The following AGBL1 variants were observed in gnomAD, a reference collection of about 807,000 sequenced individuals.
AGBL1 encodes AGBL carboxypeptidase 1.
AGBL1 carries 130 observed loss-of-function variants against 118.9 expected under a neutral mutation model. The observed-to-expected ratio is 1.09, with a 90% CI of 0.95 to 1.26. The LOEUF is 1.26. Ranked by LOEUF, AGBL1 falls within the 50% of genes most tolerant of loss-of-function variation. The pLI, the probability that AGBL1 is intolerant of heterozygous loss-of-function variation, is 0.00. For missense variants in AGBL1, 1,584 were observed against 1,298.1 expected (o/e 1.22, Z -3.38); for synonymous variants, 555 against 478.9 (o/e 1.16, Z -2.08).
intron 22 of AGBL1, among the ~76,000 whole-genome samples, chr15:86,900,225 T>C (rs2080191903): frequency 6.6e-6 from 1 of 152,186 alleles, no homozygotes; most frequent in African/African-American, 2.4e-5. Context: ...TGGCCTATTG[T>C]GGGACTTCAC....
chr15:86,817,606 G>C (rs1007113509), intron 22 of AGBL1, among the ~76,000 whole-genome samples: 1 of 147,992 alleles, frequency 6.8e-6, no homozygotes, highest in Non-Finnish European at 1.5e-5. Context: ...AGGAGAGAGA[G>C]AGAGAAAAAG....
intron 22 of AGBL1, among the ~76,000 whole-genome samples, chr15:86,829,037 G>T (rs2079070080): frequency 6.6e-6 from 1 of 150,810 alleles, no homozygotes; most frequent in Non-Finnish European, 1.5e-5. Context: ...ATGTTGACTG[G>T]ACCTAGTGAG....
chr15:86,515,450 G>C (rs1429892175), intron 18 of AGBL1, among the ~76,000 whole-genome samples: 1 of 151,572 alleles, frequency 6.6e-6, no homozygotes, highest in Non-Finnish European at 1.5e-5. Flanking sequence ...ATCAGGAGTG[G>C]GTGTGGAATT....
chr15:86,916,362 G>T (rs2080422712), downstream of AGBL1, among the ~76,000 whole-genome samples: 1 of 152,064 alleles, frequency 6.6e-6, no homozygotes, highest in Admixed American at 6.6e-5. Context: ...AAAAATAACA[G>T]AGAATAACCT....
At chr15:86,441,566 G>A (rs908333796) in intron 18 of AGBL1, among the ~76,000 whole-genome samples, 2 of 152,168 alleles carry the variant, frequency 1.3e-5, no homozygotes, top group African/African-American at 4.8e-5. Flanking sequence ...CCAGGTATCC[G>A]TAAAGGCAGA....
intron 17 of AGBL1, among the ~76,000 whole-genome samples, chr15:86,395,694 A>C (rs2141987794): frequency 8.0e-6 from 1 of 125,412 alleles, no homozygotes; most frequent in Admixed American, 7.9e-5. Context: ...TAGTCAGTAA[A>C]AATGCACTGA....
chr15:86,205,196 A>G (rs1374273635), intron 5 of AGBL1, among the ~76,000 whole-genome samples: 1 of 152,200 alleles, frequency 6.6e-6, no homozygotes. Flanking sequence ...TTTAGTTGGA[A>G]TCACACATAC....
chr15:86,687,503 C>T (rs915929236), intron 22 of AGBL1, among the ~76,000 whole-genome samples: 2 of 152,058 alleles, frequency 1.3e-5, no homozygotes, highest in African/African-American at 4.8e-5. Flanking sequence ...TAACCTGAAA[C>T]CTTGGAGAAT....
At chr15:86,985,284 A>G (rs2081270793) in intron 23 of AGBL1, among the ~76,000 whole-genome samples, 1 of 152,142 alleles carries the variant, frequency 6.6e-6, no homozygotes, top group Non-Finnish European at 1.5e-5. Flanking sequence ...TTCATATGGT[A>G]GGTTGTGTTT....
chr15:86,440,335 A>G (rs988971580), intron 18 of AGBL1, among the ~76,000 whole-genome samples: 2 of 152,100 alleles, frequency 1.3e-5, no homozygotes, highest in African/African-American at 4.8e-5. Context: ...TGGTAGGTTT[A>G]TATATTATTT....
intron 17 of AGBL1, among the ~76,000 whole-genome samples, chr15:86,323,596 C>T (rs2080138267): frequency 6.6e-6 from 1 of 152,290 alleles, no homozygotes; most frequent in South Asian, 2.1e-4. Flanking sequence ...AGTTAAATAA[C>T]TGCCAGTGCA....
intron 24 of AGBL1, among the ~76,000 whole-genome samples, chr15:87,016,056 A>G (rs2081605484): frequency 6.6e-6 from 1 of 152,184 alleles, no homozygotes; most frequent in African/African-American, 2.4e-5. Flanking sequence ...AGTCTGAAAT[A>G]AATTTTTACT....
intron 21 of AGBL1, among the ~76,000 whole-genome samples, chr15:86,583,023 A>G (rs540999827): frequency 6.6e-6 from 1 of 152,318 alleles, no homozygotes; most frequent in East Asian, 1.9e-4. Context: ...ACAATAAAAA[A>G]AAGTTATAAT....
intron 22 of AGBL1, among the ~76,000 whole-genome samples, chr15:86,727,917 T>C (rs1268516893): frequency 2.0e-5 from 3 of 152,240 alleles, no homozygotes; most frequent in African/African-American, 7.2e-5. Context: ...GATGAAGATA[T>C]CTGGATATAT....
At chr15:86,413,917 C>A (rs1055187917) in intron 18 of AGBL1, among the ~76,000 whole-genome samples, 1 of 152,064 alleles carries the variant, frequency 6.6e-6, no homozygotes, top group African/African-American at 2.4e-5. Flanking sequence ...GATGTGGAAT[C>A]AACCTAACTG....
At chr15:86,216,554 G>T (rs2078192353) in intron 5 of AGBL1, among the ~76,000 whole-genome samples, 1 of 152,024 alleles carries the variant, frequency 6.6e-6, no homozygotes, top group African/African-American at 2.4e-5. Flanking sequence ...TATTATGGTG[G>T]GTTACTACAT....
intron 22 of AGBL1, among the ~76,000 whole-genome samples, chr15:86,872,083 C>T (rs1243055285): frequency 6.6e-6 from 1 of 152,168 alleles, no homozygotes; most frequent in African/African-American, 2.4e-5. Flanking sequence ...AGAAGCATAT[C>T]TAGAACTCAA....
chr15:86,162,918 C>G (rs2077287316), intron 5 of AGBL1, among the ~76,000 whole-genome samples: 1 of 152,198 alleles, frequency 6.6e-6, no homozygotes, highest in African/African-American at 2.4e-5. Context: ...ATGCCACCTG[C>G]TCCATTTCAT....
intron 17 of AGBL1, among the ~76,000 whole-genome samples, chr15:86,301,523 C>G (rs144881084): frequency 3.2e-4 from 48 of 151,894 alleles, no homozygotes; most frequent in Non-Finnish European, 5.7e-4. Flanking sequence ...AGAAACTGAA[C>G]TGTGCCCTTT....
Sources: allele counts gnomAD v4.1 joint callset (sites outside exome capture counted in the v4.1 genomes callset), GRCh38; gene constraint gnomAD v4.1.1; transcripts MANE v1.5; gene names NCBI Gene and HGNC (gene_info 2026-07-23, HGNC 2026-07-21).